SORCS1: variants seen among roughly 807,000 people sequenced by gnomAD.
SORCS1 encodes VPS10 domain-containing receptor SorCS1.
SORCS1 carries 60 observed loss-of-function variants against 146.1 expected under a neutral mutation model. That is an observed-to-expected ratio of 0.41 (90% CI 0.33 to 0.51). The LOEUF is 0.51. Ranked by LOEUF, SORCS1 falls within the 20% of genes least tolerant of loss-of-function variation. SORCS1 has a pLI of 0.21. For missense variants in SORCS1, 1,352 were observed against 1,487.6 expected (o/e 0.91, Z 1.50); for synonymous variants, 637 against 584.0 (o/e 1.09, Z -1.31).
At chr10:107,014,251 G>A (rs1243917272) in intron 1 of SORCS1, among the ~76,000 whole-genome samples, 22 of 91,604 alleles carry the variant, frequency 2.4e-4, no homozygotes, top group African/African-American at 1.0e-3. Flanking sequence ...GAGACCCTGC[G>A]TCAAAAAAAA....
chr10:106,897,502 C>T (rs192055704), intron 2 of SORCS1, among the ~76,000 whole-genome samples: 1 of 152,084 alleles, frequency 6.6e-6, no homozygotes, highest in African/African-American at 2.4e-5. Flanking sequence ...CTTGGCCTGA[C>T]ATCTTAATAT....
At chr10:107,069,873 C>T (rs1044800830) in intron 1 of SORCS1, among the ~76,000 whole-genome samples, 5 of 152,156 alleles carry the variant, frequency 3.3e-5, no homozygotes, top group Admixed American at 3.3e-4. Flanking sequence ...GCATGCAATT[C>T]AGTGCTTTTT....
At chr10:106,704,565 C>T (rs1854374758) in intron 8 of SORCS1, among the ~76,000 whole-genome samples, 1 of 152,128 alleles carries the variant, frequency 6.6e-6, no homozygotes, top group South Asian at 2.1e-4. Flanking sequence ...TGGCACGCTC[C>T]TGTAGTCCCA....
chr10:107,084,405 G>A (rs1052019557), intron 1 of SORCS1, among the ~76,000 whole-genome samples: 1 of 151,804 alleles, frequency 6.6e-6, no homozygotes, highest in Non-Finnish European at 1.5e-5. Context: ...ACCTGGCCAG[G>A]AAAAGGTTTT....
chr10:106,605,496 A>G (rs1846513034), intron 23 of SORCS1, among the ~76,000 whole-genome samples: 1 of 152,238 alleles, frequency 6.6e-6, no homozygotes, highest in African/African-American at 2.4e-5. Context: ...GATTTCATGA[A>G]AAACCAGTAA....
chr10:106,639,712 A>G (rs1327329212), intron 18 of SORCS1, among the ~76,000 whole-genome samples: 1 of 152,210 alleles, frequency 6.6e-6, no homozygotes, highest in Non-Finnish European at 1.5e-5. Context: ...GCTCATCGAA[A>G]TCAGCTTCCA....
chr10:107,055,339 G>A (rs1488372126), intron 1 of SORCS1, among the ~76,000 whole-genome samples: 5 of 152,234 alleles, frequency 3.3e-5, no homozygotes, highest in Admixed American at 6.5e-5. Context: ...AGGGGAAACA[G>A]GCATTGATGT....
rs139411895 is a variant in SORCS1, at chr10:106,639,128, C to T, written c.2476-9740G>A. ...ATGGTAGACCAGCTTGAGGACTGAG[C>T]GGCTGAGCAGAGGGTCATGGAATAA... On this transcript the variant is annotated intron_variant, in intron 18 of 25. Coordinates refer to ENST00000263054, the MANE Select transcript of SORCS1 (RefSeq NM_052918.5). 4.2e-3 allele frequency among the ~76,000 whole-genome samples: 632 copies of T among 152,206 alleles called. 7 individuals are homozygous for T. Among genetic ancestry groups the T allele is most frequent in the African/African-American group, 0.014 (598 of 41,534 alleles).
intron 18 of SORCS1, among the ~76,000 whole-genome samples, chr10:106,633,665 TTAAAC>T (rs1322749330): frequency 2.8e-5 from 4 of 140,642 alleles, no homozygotes; most frequent in African/African-American, 1.1e-4. Context: ...TGATAGTAGA[TTAAAC>T]AAACAAACAA....
chr10:106,638,408 C>T (rs7087196), intron 18 of SORCS1, among the ~76,000 whole-genome samples: 34,415 of 151,646 alleles, frequency 0.23, 4,821 homozygotes, highest in East Asian at 0.51. Flanking sequence ...AAAAAAGGCA[C>T]GGTACATTCA....
chr10:106,861,607 A>G (rs1950018492), intron 2 of SORCS1, among the ~76,000 whole-genome samples: 1 of 151,958 alleles, frequency 6.6e-6, no homozygotes, highest in African/African-American at 2.4e-5. Context: ...AATACCCTCA[A>G]TTGGCCGGGC....
At chr10:107,029,383 T>G (rs1958550211) in intron 1 of SORCS1, among the ~76,000 whole-genome samples, 1 of 152,206 alleles carries the variant, frequency 6.6e-6, no homozygotes, top group Non-Finnish European at 1.5e-5. Context: ...CTAAATCTAC[T>G]TATGTGGGAG....
intron 3 of SORCS1, among the ~76,000 whole-genome samples, chr10:106,779,226 AT>A (rs1254220067): frequency 6.6e-6 from 1 of 152,160 alleles, no homozygotes; most frequent in Non-Finnish European, 1.5e-5. Flanking sequence ...GGAAATAGAA[AT>A]TTCCCGGTGA....
At chr10:106,870,472 A>C (rs1035826466) in intron 2 of SORCS1, among the ~76,000 whole-genome samples, 2 of 152,218 alleles carry the variant, frequency 1.3e-5, no homozygotes, top group African/African-American at 4.8e-5. Flanking sequence ...AGAGTGTGGT[A>C]CTGGTACAAA....
chr10:107,027,771 G>A (rs1440039928), intron 1 of SORCS1, among the ~76,000 whole-genome samples: 1 of 152,104 alleles, frequency 6.6e-6, no homozygotes, highest in Non-Finnish European at 1.5e-5. Context: ...AGAATTACTT[G>A]AGACTCCAAA....
chr10:106,786,667 C>T (rs531861406), intron 3 of SORCS1, among the ~76,000 whole-genome samples: 19 of 152,230 alleles, frequency 1.2e-4, no homozygotes, highest in Admixed American at 1.2e-3. Context: ...AAAGCATGCA[C>T]ACGCACACAC....
At chr10:106,718,482 C>G (rs957186826) in intron 6 of SORCS1, among the ~76,000 whole-genome samples, 2 of 152,180 alleles carry the variant, frequency 1.3e-5, no homozygotes, top group African/African-American at 4.8e-5. Flanking sequence ...CTGGTGGGTT[C>G]GTGGTCTTTC....
At chr10:106,627,250 GGAGACCCTGAAAAATTTAGATCA>G (rs2133560442) in intron 19 of SORCS1, among the ~76,000 whole-genome samples, 1 of 152,206 alleles carries the variant, frequency 6.6e-6, no homozygotes, top group East Asian at 1.9e-4. Context: ...AGATTTAATG[GGAGACCCTGAAAAATTTAGATCA>G]GAAGCTGATA....
intron 2 of SORCS1, among the ~76,000 whole-genome samples, chr10:106,938,151 C>A (rs751951902): frequency 1.3e-5 from 2 of 151,892 alleles, no homozygotes; most frequent in African/African-American, 2.4e-5. Context: ...TAGGGCCTGG[C>A]AGGGAGTGTC....
Sources: gnomAD v4.1 joint callset for allele counts (sites outside exome capture counted in the v4.1 genomes callset) on GRCh38, gnomAD v4.1.1 for gene constraint, MANE v1.5 for transcripts, NCBI Gene and HGNC (gene_info 2026-07-23, HGNC 2026-07-21) for gene names.